The following PDSS2 variants were observed in gnomAD, a reference collection of about 807,000 sequenced individuals.
The protein encoded by PDSS2 is all trans-polyprenyl-diphosphate synthase PDSS2.
In PDSS2, 31 loss-of-function variants were observed where a neutral mutation model predicts 44.5. That is an observed-to-expected ratio of 0.70 (90% confidence interval 0.52 to 0.94). The LOEUF (loss-of-function observed/expected upper bound fraction) is 0.94. Among genes scored for constraint, PDSS2 ranks in the 40% least tolerant of loss-of-function variants. The pLI is 0.00. For synonymous variants in PDSS2, 157 were observed against 180.3 expected (o/e 0.87, Z 1.03); for missense variants, 452 against 482.2 (o/e 0.94, Z 0.59).
At chr6:107,306,685 T>C (rs369985455) in intron 2 of PDSS2, among the ~76,000 whole-genome samples, 2 of 152,214 alleles carry the variant, frequency 1.3e-5, no homozygotes, top group Non-Finnish European at 2.9e-5. Flanking sequence ...TGTATTATTA[T>C]ACAAGGTTTT....
At chr6:107,361,819 C>T (rs1483156046) in intron 1 of PDSS2, among the ~76,000 whole-genome samples, 1 of 152,256 alleles carries the variant, frequency 6.6e-6, no homozygotes, top group African/African-American at 2.4e-5. Context: ...TTCATTAGAA[C>T]TGCTGAACTT....
intron 1 of PDSS2, among the ~76,000 whole-genome samples, chr6:107,417,952 CAGTT>C (rs1170781047): frequency 5.3e-5 from 8 of 151,624 alleles, no homozygotes; most frequent in African/African-American, 1.9e-4. Flanking sequence ...TTTAAAATGA[CAGTT>C]AAGAAGATTA....
intron 1 of PDSS2, among the ~76,000 whole-genome samples, chr6:107,349,054 A>G (rs936401302): frequency 1.3e-5 from 2 of 152,230 alleles, no homozygotes; most frequent in African/African-American, 2.4e-5. Flanking sequence ...AGTTACAAGT[A>G]CAAAGAATTC....
chr6:107,218,290 A>T (rs770281631), intron 4 of PDSS2, among the ~76,000 whole-genome samples: 41 of 152,302 alleles, frequency 2.7e-4, no homozygotes, highest in Non-Finnish European at 5.1e-4. Flanking sequence ...AACCAGAACT[A>T]CAATGGCCTC....
At position 107,304,266 on chromosome 6, in the gene PDSS2, G is replaced by A. The variant is rs1167154036; in HGVS notation, c.431+29932C>T. On this transcript the variant is annotated intron_variant, in intron 2 of 7. Transcript: ENST00000369037. ...AAAGGCCCTTAGCTTCTTTCTCCAG[G>A]GAATCTGAAATTCAGGGTTATCTGG... Among the ~76,000 whole-genome samples the A allele has an allele frequency of 2.0e-5, 3 of 152,164 alleles. No individual in the cohort carries two copies. The East Asian group carries it at 5.8e-4, about 29-fold the overall frequency.
chr6:107,388,581 C>G (rs563866497), intron 1 of PDSS2, among the ~76,000 whole-genome samples: 4 of 152,004 alleles, frequency 2.6e-5, no homozygotes, highest in Non-Finnish European at 5.9e-5. Context: ...CCTGGGACTA[C>G]AGGAGTAGGT....
At chr6:107,377,724 A>G (rs1779330029) in intron 1 of PDSS2, among the ~76,000 whole-genome samples, 1 of 152,286 alleles carries the variant, frequency 6.6e-6, no homozygotes, top group Middle Eastern at 3.4e-3. Flanking sequence ...TGATGAGTTC[A>G]TGTCCTTTGT....
At chr6:107,396,661 T>G (rs1455416111) in intron 1 of PDSS2, among the ~76,000 whole-genome samples, 1 of 150,750 alleles carries the variant, frequency 6.6e-6, no homozygotes, top group South Asian at 2.1e-4. Flanking sequence ...CCCTTTCTTT[T>G]TTTCCTCTTC....
chr6:107,191,069 T>A (rs1772361183), intron 7 of PDSS2, among the ~76,000 whole-genome samples: 1 of 152,080 alleles, frequency 6.6e-6, no homozygotes, highest in Admixed American at 6.5e-5. Context: ...TTTTTTGTAT[T>A]TTTAGTCGAG....
intron 3 of PDSS2, chr6:107,264,319 C>A: frequency 1.4e-6 from 2 of 1,441,632 alleles, no homozygotes; most frequent in South Asian, 1.6e-5. Context: ...ACAAAGTTAA[C>A]ATAAGGAAAT....
At chr6:107,292,556 T>C (rs2115027251) in intron 2 of PDSS2, among the ~76,000 whole-genome samples, 1 of 152,284 alleles carries the variant, frequency 6.6e-6, no homozygotes, top group African/African-American at 2.4e-5. Flanking sequence ...AAAAAGAAAT[T>C]TGTATTGCAT....
intron 1 of PDSS2, among the ~76,000 whole-genome samples, chr6:107,392,712 T>C (rs1203489255): frequency 1.3e-5 from 2 of 152,186 alleles, no homozygotes; most frequent in Non-Finnish European, 2.9e-5. Flanking sequence ...TCAGTATTGA[T>C]ACAGGTGACT....
At chr6:107,368,352 A>T (rs1779026052) in intron 1 of PDSS2, among the ~76,000 whole-genome samples, 1 of 152,194 alleles carries the variant, frequency 6.6e-6, no homozygotes. Context: ...ATAAAGAATA[A>T]AATGCTCAGG....
At chr6:107,258,802 GA>G (rs796858373) in intron 3 of PDSS2, among the ~76,000 whole-genome samples, 1,976 of 144,624 alleles carry the variant, frequency 0.014, 30 homozygotes, top group African/African-American at 0.037. Flanking sequence ...CTCCGTCTCA[GA>G]AAAAAAAAAA....
intron 4 of PDSS2, among the ~76,000 whole-genome samples, chr6:107,232,632 T>C (rs1398549310): frequency 2.6e-5 from 4 of 152,234 alleles, no homozygotes; most frequent in Non-Finnish European, 5.9e-5. Flanking sequence ...TGTTCATCTA[T>C]TCATGTGATT....
At chr6:107,308,507 A>G (rs1437396431) in intron 2 of PDSS2, among the ~76,000 whole-genome samples, 3 of 152,220 alleles carry the variant, frequency 2.0e-5, no homozygotes, top group African/African-American at 4.8e-5. Context: ...ATACAATACA[A>G]TGAAATGAAA....
intron 7 of PDSS2, among the ~76,000 whole-genome samples, chr6:107,173,752 T>C (rs1210298265): frequency 6.6e-6 from 1 of 151,982 alleles, no homozygotes; most frequent in Non-Finnish European, 1.5e-5. Flanking sequence ...CCAAGAGAGA[T>C]AGGTAACACA....
intron 1 of PDSS2, among the ~76,000 whole-genome samples, chr6:107,393,614 CTA>C (rs1779852593): frequency 6.6e-6 from 1 of 152,144 alleles, no homozygotes; most frequent in Admixed American, 6.5e-5. Flanking sequence ...AAATCTCCTA[CTA>C]TAACTATGGA....
intron 2 of PDSS2, among the ~76,000 whole-genome samples, chr6:107,284,139 T>G (rs990315849): frequency 4.6e-5 from 7 of 152,076 alleles, no homozygotes; most frequent in African/African-American, 1.7e-4. Context: ...GCCTTCTTTC[T>G]CTCTCACTAG....
Sources: allele counts gnomAD v4.1 joint callset (sites outside exome capture counted in the v4.1 genomes callset), GRCh38; gene constraint gnomAD v4.1.1; transcripts MANE v1.5; gene names NCBI Gene and HGNC (gene_info 2026-07-23, HGNC 2026-07-21).